SUMF1: variants seen among roughly 807,000 people sequenced by gnomAD.
The protein encoded by SUMF1 is sulfatase modifying factor 1, also known as formylglycine-generating enzyme.
SUMF1 carries 48 observed loss-of-function variants against 47.6 expected under a neutral mutation model. The ratio of observed to expected loss-of-function variants is 1.01; its 90% CI spans 0.80 to 1.28. The LOEUF (loss-of-function observed/expected upper bound fraction) is 1.28. SUMF1 is among the 50% of genes most tolerant of loss of function. The pLI is 0.00. For synonymous variants in SUMF1, 230 were observed against 192.1 expected, an observed-to-expected ratio of 1.20 and a Z score of -1.63; for missense variants, 571 against 485.4, an observed-to-expected ratio of 1.18 and a Z score of -1.66.
intron 1 of SUMF1, among the ~76,000 whole-genome samples, chr3:4,465,262 G>A (rs1329665834): frequency 6.6e-6 from 1 of 152,134 alleles, no homozygotes; most frequent in Admixed American, 6.5e-5. Context: ...GGATCACAAG[G>A]TCAGGAGATT....
chr3:4,370,282 T>C (rs1700130135), intron 8 of SUMF1, among the ~76,000 whole-genome samples: 1 of 152,126 alleles, frequency 6.6e-6, no homozygotes, highest in Admixed American at 6.5e-5. Context: ...GCTTCCTCAC[T>C]AAAACAACAA....
At chr3:4,050,557 C>G (rs928418266) in intron 9 of SUMF1, among the ~76,000 whole-genome samples, 56 of 151,490 alleles carry the variant, frequency 3.7e-4, no homozygotes, top group Non-Finnish European at 1.2e-4. Flanking sequence ...GCCTGGGCAA[C>G]ATAGCAAGAC....
chr3:4,061,699 A>G (rs1695279075), intron 9 of SUMF1, among the ~76,000 whole-genome samples: 1 of 152,112 alleles, frequency 6.6e-6, no homozygotes, highest in Admixed American at 6.6e-5. Flanking sequence ...GAGGTACAGA[A>G]ACAGTTGGAC....
At chr3:4,123,782 G>A (rs1460326814) in intron 8 of SUMF1, among the ~76,000 whole-genome samples, 1 of 152,066 alleles carries the variant, frequency 6.6e-6, no homozygotes, top group East Asian at 1.9e-4. Context: ...TGGGAAAAAT[G>A]AACTACATAA....
At chr3:4,337,621 C>T (rs1699182422) in intron 8 of SUMF1, among the ~76,000 whole-genome samples, 1 of 152,186 alleles carries the variant, frequency 6.6e-6, no homozygotes, top group African/African-American at 2.4e-5. Flanking sequence ...CCCTTGACCA[C>T]TTCCCTCCTC....
At chr3:4,313,298 C>T (rs748618803) in intron 8 of SUMF1, 3 of 1,613,912 alleles carry the variant, frequency 1.9e-6, no homozygotes, top group Admixed American at 3.3e-5. Context: ...CACTTACAAA[C>T]AAAATCCGAC....
intron 8 of SUMF1, among the ~76,000 whole-genome samples, chr3:4,326,102 G>A (rs762554605): frequency 1.4e-4 from 21 of 152,174 alleles, no homozygotes; most frequent in Non-Finnish European, 2.6e-4. Flanking sequence ...GATTACAGGC[G>A]TGAGCCACAG....
intron 8 of SUMF1, among the ~76,000 whole-genome samples, chr3:4,075,439 A>C (rs1692409578): frequency 6.6e-6 from 1 of 152,134 alleles, no homozygotes; most frequent in African/African-American, 2.4e-5. Flanking sequence ...CAAGACAAAG[A>C]TGCCCTCTCT....
intron 3 of SUMF1, among the ~76,000 whole-genome samples, chr3:4,431,201 G>T (rs1282898592): frequency 6.6e-6 from 1 of 152,198 alleles, no homozygotes; most frequent in African/African-American, 2.4e-5. Context: ...GTGGAAGACA[G>T]TTTAAAGCCT....
At chr3:4,379,922 G>A (rs939305699) in intron 7 of SUMF1, among the ~76,000 whole-genome samples, 1 of 151,898 alleles carries the variant, frequency 6.6e-6, no homozygotes, top group South Asian at 2.1e-4. Flanking sequence ...AGAGAGTTGG[G>A]GAAGAGGGGT....
chr3:4,243,951 G>A (rs1696602657), intron 8 of SUMF1, among the ~76,000 whole-genome samples: 2 of 152,282 alleles, frequency 1.3e-5, no homozygotes, highest in Non-Finnish European at 1.5e-5. Context: ...CCTGTATTGG[G>A]TGCATATATA....
chr3:4,141,275 T>C (rs1010686031), intron 8 of SUMF1, among the ~76,000 whole-genome samples: 1 of 152,172 alleles, frequency 6.6e-6, no homozygotes, highest in Non-Finnish European at 1.5e-5. Flanking sequence ...CAATAAGCAC[T>C]GTGCATACTG....
At chr3:4,253,590 A>G (rs1316059872) in intron 8 of SUMF1, among the ~76,000 whole-genome samples, 2 of 151,680 alleles carry the variant, frequency 1.3e-5, no homozygotes, top group Admixed American at 6.6e-5. Flanking sequence ...ACTATATCCC[A>G]CACCTGGCTC....
In SUMF1 at chr3:4,213,764, T is replaced by A. The variant is rs554072333; in HGVS notation, c.1015-145019A>T. Among the ~76,000 whole-genome samples the A allele has an allele frequency of 2.0e-5, 3 of 152,180 alleles. No homozygotes were observed. In the South Asian group the frequency reaches 6.2e-4, roughly 32 times the overall value. On this transcript the variant is annotated intron_variant and NMD_transcript_variant, in intron 8 of 12. Transcript: ENST00000448413. ...AAAAAAGCAGGAGTTGCAATCCCAG[T>A]CTCTGATAAAACAGACTTTAAACCA...
chr3:4,459,818 G>C (rs1307157956), intron 1 of SUMF1, among the ~76,000 whole-genome samples: 1 of 152,092 alleles, frequency 6.6e-6, no homozygotes, highest in Non-Finnish European at 1.5e-5. Flanking sequence ...ATCCCCACCT[G>C]CTTCCAAGTC....
intron 8 of SUMF1, among the ~76,000 whole-genome samples, chr3:4,154,182 G>C (rs968613583): frequency 1.3e-4 from 20 of 151,440 alleles, no homozygotes; most frequent in Admixed American, 6.6e-4. Flanking sequence ...CCAGGAAGTG[G>C]GGCAGAGCTA....
At chr3:4,408,405 T>C (rs1701439085) in intron 7 of SUMF1, among the ~76,000 whole-genome samples, 1 of 152,222 alleles carries the variant, frequency 6.6e-6, no homozygotes, top group Admixed American at 6.5e-5. Context: ...TCTATTACAC[T>C]ATTTTCTGTA....
intron 8 of SUMF1, among the ~76,000 whole-genome samples, chr3:4,276,039 C>T (rs533454599): frequency 1.3e-5 from 2 of 152,242 alleles, no homozygotes; most frequent in South Asian, 2.1e-4. Context: ...AATACTCAAG[C>T]CCTGATCTGT....
At chr3:4,423,253 TCAA>T (rs1026225713) in intron 3 of SUMF1, among the ~76,000 whole-genome samples, 46 of 145,952 alleles carry the variant, frequency 3.2e-4, no homozygotes, top group African/African-American at 1.1e-3. Context: ...TGCCCACCAA[TCAA>T]CAAGTGAATA....
Sources: gnomAD v4.1 joint callset for allele counts (sites outside exome capture counted in the v4.1 genomes callset) on GRCh38, gnomAD v4.1.1 for gene constraint, MANE v1.5 for transcripts, NCBI Gene and HGNC (gene_info 2026-07-23, HGNC 2026-07-21) for gene names.